Variants in UNC5A observed in about 807,000 individuals in gnomAD.
UNC5A encodes the protein netrin receptor UNC5A.
Under a neutral mutation model 87.4 loss-of-function variants are expected in UNC5A, and 20 were observed. That is an observed-to-expected ratio of 0.23 (90% CI 0.16 to 0.33). UNC5A has a LOEUF of 0.33. UNC5A is among the 10% of genes least tolerant of loss of function. The pLI, the probability that UNC5A is intolerant of heterozygous loss-of-function variation, is 1.00. For synonymous variants in UNC5A, 438 were observed against 482.3 expected, an observed-to-expected ratio of 0.91 and a Z score of 1.20; for missense variants, 844 against 1,133.4, an observed-to-expected ratio of 0.74 and a Z score of 3.67.
chr5:176,850,781 G>T (rs1757522638), intron 1 of UNC5A, among the ~76,000 whole-genome samples: 1 of 152,180 alleles, frequency 6.6e-6, no homozygotes, highest in Non-Finnish European at 1.5e-5. Context: ...GGTCCAAGCG[G>T]GCTCATCTGC....
At chr5:176,816,899 G>A (rs1356516759) in intron 1 of UNC5A, among the ~76,000 whole-genome samples, 1 of 152,226 alleles carries the variant, frequency 6.6e-6, no homozygotes. Flanking sequence ...GGCCTGAGGT[G>A]AGCTTCCCAT....
At chr5:176,835,210 TG>T (rs1212792993) in intron 1 of UNC5A, among the ~76,000 whole-genome samples, 2 of 152,150 alleles carry the variant, frequency 1.3e-5, no homozygotes, top group African/African-American at 4.8e-5. Context: ...CACCTGGAGG[TG>T]AACATTGGCA....
At chr5:176,864,564 T>G (rs1757924758) in intron 2 of UNC5A, among the ~76,000 whole-genome samples, 1 of 152,200 alleles carries the variant, frequency 6.6e-6, no homozygotes, top group African/African-American at 2.4e-5. Context: ...GCCTTGGCTC[T>G]TACTCATCCA....
chr5:176,847,291 C>T (rs929616770), intron 1 of UNC5A, among the ~76,000 whole-genome samples: 7 of 152,142 alleles, frequency 4.6e-5, no homozygotes, highest in African/African-American at 1.4e-4. Flanking sequence ...CAGGGCTGGC[C>T]TCTGGGACTG....
intron 1 of UNC5A, among the ~76,000 whole-genome samples, chr5:176,813,206 C>T (rs891709005): frequency 1.3e-5 from 2 of 152,236 alleles, no homozygotes; most frequent in African/African-American, 4.8e-5. Flanking sequence ...GGCATGCAAA[C>T]CCCCACCCTG....
Position 176,838,190 on chromosome 5 carries a change from A to G in UNC5A, c.71-24434A>G, listed in dbSNP as rs1310983590. ...TCTTGCAAACCTGATTCTACTGCTT[A>G]ACTCTGGGGGGAAGGAGCTGGAGAG... On this transcript the variant is annotated intron_variant, in intron 1 of 14. Transcript: ENST00000329542. The surrounding 1 kb of genome is among the most constrained non-coding windows in gnomAD (Gnocchi z 4.2). 3.9e-5 allele frequency among the ~76,000 whole-genome samples: 6 copies of G among 152,192 alleles called. No homozygotes were observed. The highest frequency in any genetic ancestry group is 1.4e-4 in the African/African-American group (6 of 41,430).
intron 1 of UNC5A, among the ~76,000 whole-genome samples, chr5:176,826,560 G>A (rs377273250): frequency 5.4e-4 from 81 of 149,898 alleles, no homozygotes; most frequent in Admixed American, 1.8e-3. Flanking sequence ...AAAATTAACC[G>A]TTTTAAGTGC....
intron 1 of UNC5A, among the ~76,000 whole-genome samples, chr5:176,849,508 C>G: frequency 6.6e-6 from 1 of 152,200 alleles, no homozygotes; most frequent in East Asian, 1.9e-4. Context: ...TCCCTTCAAC[C>G]AGGGAAGTGG....
At chr5:176,871,022 G>A (rs1386469496) in intron 6 of UNC5A, among the ~76,000 whole-genome samples, 1 of 22,232 alleles carries the variant, frequency 4.5e-5, no homozygotes, top group South Asian at 2.2e-3. Context: ...GCCCACACTC[G>A]CCCCACACCA....
At chr5:176,811,120 G>C (rs1409281380) in intron 1 of UNC5A, among the ~76,000 whole-genome samples, 2 of 152,242 alleles carry the variant, frequency 1.3e-5, no homozygotes, top group Non-Finnish European at 2.9e-5. Context: ...CCGGAGCAGG[G>C]CTGGGGGTTT....
chr5:176,815,541 G>A (rs1036771909), intron 1 of UNC5A, among the ~76,000 whole-genome samples: 2 of 152,222 alleles, frequency 1.3e-5, no homozygotes, highest in Non-Finnish European at 2.9e-5. Flanking sequence ...TGCTTTCTGG[G>A]GTTATAGTAA....
chr5:176,851,471 G>A (rs954903950), intron 1 of UNC5A, among the ~76,000 whole-genome samples: 3 of 152,216 alleles, frequency 2.0e-5, no homozygotes, highest in African/African-American at 7.2e-5. Context: ...AGTGAGATAT[G>A]AAATGCCGCC....
chr5:176,869,082 C>T lies in UNC5A; in HGVS notation c.721+118C>T. On this transcript the variant is annotated intron_variant, in intron 5 of 14. Transcript: ENST00000329542. This position sits in a 1 kb window ranked among gnomAD's most constrained non-coding sequence, Gnocchi z 9.1. ...CCAAAGCCAGGTGGACCAGATCGTG[C>T]CTGACTAGGCAGGATAAGCAAAGGG... The T allele has an allele frequency of 4.2e-6, 5 of 1,185,832 alleles. No individual in the cohort carries two copies. The highest frequency in any genetic ancestry group is 5.8e-6 in the Non-Finnish European group (5 of 869,420). 73.5% of individuals were successfully genotyped at this position (1,185,832 alleles called of 1,614,324 possible).
At chr5:176,868,416 C>G (rs1758025660) in intron 3 of UNC5A, 143 bp downstream of exon 3, 1 of 1,449,300 alleles carries the variant, frequency 6.9e-7, no homozygotes, top group Middle Eastern at 2.4e-4. Context: ...TGCCTGTGGA[C>G]ACGGCCCAGC....
intron 6 of UNC5A, among the ~76,000 whole-genome samples, chr5:176,872,945 T>C (rs1758161988): frequency 9.0e-6 from 1 of 111,038 alleles, no homozygotes; most frequent in Non-Finnish European, 1.8e-5. Flanking sequence ...CAGCTTCCCA[T>C]CTGCCCACAC....
chr5:176,877,650 C>T lies in UNC5A; in HGVS notation c.1582C>T (p.Pro528Ser). The change falls in exon 10 of 15, where the codon CCT becomes TCT. Residue 528 changes from proline to serine, a missense_variant. This residue lies in a region of UNC5A where 353 missense variants were observed against 387.5 expected (regional missense o/e 0.91). Transcript: ENST00000329542. ...LAMDHCGEPS[P>S]DSWSLRLKKQ... ...TATGGACCACTGTGGGGAGCCCAGC[C>T]CTGACAGCTGGAGCCTGCGCCTCAA... 1 of 1,612,182 alleles carries T rather than the reference C, an allele frequency of 6.2e-7. No homozygotes were observed. Among genetic ancestry groups the T allele is most frequent in the Non-Finnish European group, 8.5e-7 (1 of 1,179,396 alleles).
chr5:176,823,895 T>G (rs1756789599), intron 1 of UNC5A, among the ~76,000 whole-genome samples: 1 of 152,136 alleles, frequency 6.6e-6, no homozygotes, highest in African/African-American at 2.4e-5. Flanking sequence ...CGCCCATTGT[T>G]TTAACTGCTG....
intron 13 of UNC5A, 122 bp downstream of exon 13, chr5:176,878,761 C>T (rs954008790): frequency 7.7e-7 from 1 of 1,301,184 alleles, no homozygotes; most frequent in Non-Finnish European, 1.1e-6. Flanking sequence ...TGTCCCCAGG[C>T]CCACCTCCTC....
At chr5:176,814,744 C>T (rs932037445) in intron 1 of UNC5A, among the ~76,000 whole-genome samples, 1 of 152,210 alleles carries the variant, frequency 6.6e-6, no homozygotes, top group Non-Finnish European at 1.5e-5. Context: ...GTTTATGGCG[C>T]GGTGACCCTG....
Sources: gnomAD v4.1 joint callset for allele counts (sites outside exome capture counted in the v4.1 genomes callset) on GRCh38, gnomAD v4.1.1 for gene constraint, gnomAD v4.1.1 regional missense constraint, Gnocchi (gnomAD v3.1) non-coding constraint, MANE v1.5 for transcripts, NCBI Gene and HGNC (gene_info 2026-07-23, HGNC 2026-07-21) for gene names.